The following TRPC6 variants were observed in gnomAD, a reference collection of about 807,000 sequenced individuals.
TRPC6 encodes short transient receptor potential channel 6.
Under a neutral mutation model 90.7 loss-of-function variants are expected in TRPC6, and 55 were observed. That is an observed-to-expected ratio of 0.61 (90% confidence interval 0.49 to 0.76). The LOEUF is 0.76. TRPC6 is among the 30% of genes least tolerant of loss of function. The pLI is 0.00. For missense variants in TRPC6, 989 were observed against 1,122.7 expected (o/e 0.88, Z 1.70); for synonymous variants, 393 against 393.0 (o/e 1.00, Z 0.00).
intron 1 of TRPC6, among the ~76,000 whole-genome samples, chr11:101,523,563 A>C (rs1430425404): frequency 6.6e-6 from 1 of 152,262 alleles, no homozygotes; most frequent in African/African-American, 2.4e-5. Flanking sequence ...TAAACTTTGT[A>C]GACTAAATCT....
intron 1 of TRPC6, among the ~76,000 whole-genome samples, chr11:101,574,359 A>G (rs565027188): frequency 6.6e-6 from 1 of 151,326 alleles, no homozygotes; most frequent in South Asian, 2.1e-4. Context: ...CTGTTTTAAG[A>G]GGTATAAAAT....
At chr11:101,535,930 G>A (rs1016619130) in intron 1 of TRPC6, among the ~76,000 whole-genome samples, 2 of 152,138 alleles carry the variant, frequency 1.3e-5, no homozygotes, top group African/African-American at 4.8e-5. Context: ...TGTTTAAAAT[G>A]CTCCAATTCT....
chr11:101,526,207 G>A (rs890241114), intron 1 of TRPC6, among the ~76,000 whole-genome samples: 5 of 152,050 alleles, frequency 3.3e-5, no homozygotes, highest in African/African-American at 9.7e-5. Flanking sequence ...ACCACTCATA[G>A]GCATGATGCA....
At chr11:101,476,608 T>C (rs1859423529) in intron 5 of TRPC6, 74 bp from the exon 6 acceptor site, 3 of 1,365,110 alleles carry the variant, frequency 2.2e-6, no homozygotes, top group Middle Eastern at 1.8e-4. Context: ...AAAATATGTT[T>C]GAAAGGTCTC....
intron 1 of TRPC6, among the ~76,000 whole-genome samples, chr11:101,570,639 C>A (rs1236300591): frequency 6.6e-6 from 1 of 152,124 alleles, no homozygotes; most frequent in Non-Finnish European, 1.5e-5. Context: ...TATTGGCAAA[C>A]CAAATCCAGC....
At chr11:101,480,840 G>C (rs76053917) in intron 5 of TRPC6, among the ~76,000 whole-genome samples, 2,394 of 152,200 alleles carry the variant, frequency 0.016, 56 homozygotes, top group African/African-American at 0.051. Context: ...ATGCACAAGT[G>C]ATTGTTTATT....
intron 3 of TRPC6, among the ~76,000 whole-genome samples, chr11:101,489,746 G>C (rs1443503493): frequency 6.6e-6 from 1 of 151,588 alleles, no homozygotes; most frequent in Non-Finnish European, 1.5e-5. Flanking sequence ...ATAAAAATTG[G>C]TAAAGAATAT....
intron 4 of TRPC6, among the ~76,000 whole-genome samples, chr11:101,487,750 T>G (rs1424005900): frequency 6.6e-6 from 1 of 152,138 alleles, no homozygotes; most frequent in Non-Finnish European, 1.5e-5. Flanking sequence ...ATACCAAATT[T>G]TGGCCTTATA....
At chr11:101,484,575 A>G (rs1409199457) in intron 4 of TRPC6, among the ~76,000 whole-genome samples, 1 of 146,274 alleles carries the variant, frequency 6.8e-6, no homozygotes, top group Non-Finnish European at 1.5e-5. Flanking sequence ...ATTGTATTGT[A>G]TCTCTCTCTC....
intron 1 of TRPC6, among the ~76,000 whole-genome samples, chr11:101,509,334 AG>A (rs1860346892): frequency 2.0e-5 from 3 of 151,870 alleles, no homozygotes; most frequent in African/African-American, 7.3e-5. Context: ...CGTGGGCTCA[AG>A]TATCCTCCCA....
intron 5 of TRPC6, among the ~76,000 whole-genome samples, chr11:101,478,444 T>G (rs911204901): frequency 2.6e-5 from 4 of 152,056 alleles, no homozygotes; most frequent in African/African-American, 9.7e-5. Flanking sequence ...AAGGGACATT[T>G]GAACTCATGC....
At chr11:101,578,816 T>G (rs778893569) in intron 1 of TRPC6, among the ~76,000 whole-genome samples, 1 of 152,162 alleles carries the variant, frequency 6.6e-6, no homozygotes, top group East Asian at 1.9e-4. Flanking sequence ...CTATACATTC[T>G]TTAACCAAGG....
chr11:101,544,907 AAATT>A (rs1861265137), intron 1 of TRPC6, among the ~76,000 whole-genome samples: 1 of 152,218 alleles, frequency 6.6e-6, no homozygotes, highest in South Asian at 2.1e-4. Context: ...AGTGGTCTTC[AAATT>A]AATTGACACT....
chr11:101,566,343 G>A (rs898883659), intron 1 of TRPC6, among the ~76,000 whole-genome samples: 1 of 151,930 alleles, frequency 6.6e-6, no homozygotes, highest in Non-Finnish European at 1.5e-5. Context: ...TGGAGATAAT[G>A]AGCTTTGGTC....
At chr11:101,498,989 T>C (rs1029539928) in intron 2 of TRPC6, among the ~76,000 whole-genome samples, 1 of 152,150 alleles carries the variant, frequency 6.6e-6, no homozygotes, top group African/African-American at 2.4e-5. Context: ...CCTTGGCTCA[T>C]GTTGGGATGT....
Position 101,560,078 on chromosome 11 carries a change from C to T in TRPC6, c.170+23256G>A, listed in dbSNP as rs543295364. On this transcript the variant is annotated intron_variant, in intron 1 of 12. Transcript: ENST00000344327. ...CAACAAGATAACTTCAATTTTGTTT[C>T]GGATCAACAGAGTTTTAGGTTTCAT... 1.2e-3 allele frequency among the ~76,000 whole-genome samples: 181 copies of T among 152,102 alleles called. 1 individual carries two copies. In the Middle Eastern group the frequency reaches 0.014, roughly 12 times the overall value.
chr11:101,452,812 G>C lies in TRPC6; in HGVS notation c.*143C>G. On this transcript the variant is annotated 3_prime_UTR_variant, in exon 13 of 13. Transcript: ENST00000344327. ...TAATCACCAAAAAAATTAGATACTAGGGCTCCAGATGATAGGATGGCCCAA... is the reference window on the plus strand; with the variant it reads ...TAATCACCAAAAAAATTAGATACTACGGCTCCAGATGATAGGATGGCCCAA... 2 of 903,266 alleles carry C rather than the reference G, an allele frequency of 2.2e-6. No individual in the cohort carries two copies. Among genetic ancestry groups the C allele is most frequent in the Non-Finnish European group, 3.4e-6 (2 of 584,264 alleles). 56.0% of individuals were successfully genotyped at this position (903,266 alleles called of 1,614,324 possible).
intron 4 of TRPC6, among the ~76,000 whole-genome samples, chr11:101,487,017 T>G (rs562864981): frequency 1.3e-5 from 2 of 152,226 alleles, no homozygotes; most frequent in South Asian, 4.1e-4. Flanking sequence ...GGAAAACAGA[T>G]GCCAGAAAGA....
intron 1 of TRPC6, among the ~76,000 whole-genome samples, chr11:101,564,830 T>C (rs7112841): frequency 0.029 from 4,365 of 152,140 alleles, 116 homozygotes; most frequent in African/African-American, 0.069. Flanking sequence ...ATTTGAAAGT[T>C]ATAGTAATCA....
Sources: gnomAD v4.1 joint callset for allele counts (sites outside exome capture counted in the v4.1 genomes callset) on GRCh38, gnomAD v4.1.1 for gene constraint, MANE v1.5 for transcripts, NCBI Gene and HGNC (gene_info 2026-07-23, HGNC 2026-07-21) for gene names.